Variants in LRPAP1 observed in about 807,000 individuals in gnomAD.
LRPAP1 encodes the protein alpha-2-macroglobulin receptor-associated protein.
A neutral mutation model predicts 39.9 loss-of-function variants in LRPAP1; 41 were observed. The observed-to-expected ratio is 1.03, with a 90% confidence interval of 0.80 to 1.33. LRPAP1 has a LOEUF of 1.33. Among genes scored for constraint, LRPAP1 ranks in the 40% most tolerant of loss-of-function variants. The pLI, the probability that LRPAP1 is intolerant of heterozygous loss-of-function variation, is 0.00. For missense variants in LRPAP1, 565 were observed against 482.3 expected, an observed-to-expected ratio of 1.17 and a Z score of -1.61; for synonymous variants, 263 against 212.7, an observed-to-expected ratio of 1.24 and a Z score of -2.06.
At chr4:3,525,667 T>C (rs1730059451) in intron 1 of LRPAP1, among the ~76,000 whole-genome samples, 1 of 152,166 alleles carries the variant, frequency 6.6e-6, no homozygotes, top group Non-Finnish European at 1.5e-5. Flanking sequence ...GCTGCCGCAC[T>C]GGGGCTGAGG....
chr4:3,527,713 C>A (rs1405626033), intron 1 of LRPAP1, among the ~76,000 whole-genome samples: 1 of 152,160 alleles, frequency 6.6e-6, no homozygotes, highest in Non-Finnish European at 1.5e-5. Flanking sequence ...TGCAGGTGTC[C>A]CATGACTGCC....
intron 2 of LRPAP1, among the ~76,000 whole-genome samples, chr4:3,523,201 G>A (rs1410531774): frequency 6.6e-6 from 1 of 152,152 alleles, no homozygotes; most frequent in Non-Finnish European, 1.5e-5. Flanking sequence ...CCCCCTGCAA[G>A]CTACTCTGTC....
chr4:3,531,807 C>G (rs1730263181), intron 1 of LRPAP1, among the ~76,000 whole-genome samples: 1 of 152,260 alleles, frequency 6.6e-6, no homozygotes, highest in South Asian at 2.1e-4. Flanking sequence ...ACACGTCTTT[C>G]TACCCAACAT....
chr4:3,525,561 C>T (rs1230169822), intron 1 of LRPAP1, among the ~76,000 whole-genome samples: 3 of 152,176 alleles, frequency 2.0e-5, no homozygotes, highest in Non-Finnish European at 2.9e-5. Flanking sequence ...CTTGCTGAGA[C>T]GGTTCTTACA....
Position 3,504,687 on chromosome 4 carries a change from T to C in LRPAP1, c.*8287A>G, listed in dbSNP as rs1388293643. ...ATTTCTTGAACCCAGGAGGTGGAGG[T>C]TGCAGTGAGCCAAGATTGCGCCATT... is the stretch of plus-strand genomic sequence containing the variant. On this transcript the variant is annotated 3_prime_UTR_variant, in exon 8 of 8. Transcript: ENST00000650182. 6.9e-6 allele frequency among the ~76,000 whole-genome samples: 1 copy of C among 144,932 alleles called. No individual in the cohort carries two copies. Among genetic ancestry groups the C allele is most frequent in the Non-Finnish European group, 1.5e-5 (1 of 67,112 alleles).
At position 3,505,524 on chromosome 4, in the gene LRPAP1, C is replaced by T. The variant is rs1729325898; in HGVS notation, c.*7450G>A. ...CAGGGGCCTCCTGCGGCCGGAACGT[C>T]CCCTGCATCCCCAACCACACCTGGC... On this transcript the variant is annotated 3_prime_UTR_variant, in exon 8 of 8. Coordinates refer to ENST00000650182, the MANE Select transcript of LRPAP1 (RefSeq NM_002337.4). Among the ~76,000 whole-genome samples the T allele has an allele frequency of 6.6e-6, 1 of 152,202 alleles. No homozygotes were observed. The highest frequency in any genetic ancestry group is 1.5e-5 in the Non-Finnish European group (1 of 68,016).
rs532024642 is a variant in LRPAP1 at position 3,505,481 on chromosome 4, G to A, written c.*7493C>T. ...CCGAGCGGCACTTCTTCCACACCGC[G>A]CAGCTGCCTGTGCCTGGCAGGGGCC... On this transcript the variant is annotated 3_prime_UTR_variant, in exon 8 of 8. Coordinates refer to ENST00000650182, the MANE Select transcript of LRPAP1 (RefSeq NM_002337.4). Among the ~76,000 whole-genome samples, 29 of 152,312 alleles carry A rather than the reference G, an allele frequency of 1.9e-4. No homozygotes were observed. The highest frequency in any genetic ancestry group is 5.8e-4 in the African/African-American group (24 of 41,576).
intron 1 of LRPAP1, among the ~76,000 whole-genome samples, chr4:3,531,253 C>G (rs1262160310): frequency 5.3e-5 from 8 of 152,176 alleles, no homozygotes; most frequent in Non-Finnish European, 8.8e-5. Flanking sequence ...CCCACGCAGT[C>G]TTATAACCGT....
At chr4:3,513,401 A>C (rs1729594622) in intron 7 of LRPAP1, among the ~76,000 whole-genome samples, 1 of 152,120 alleles carries the variant, frequency 6.6e-6, no homozygotes, top group Non-Finnish European at 1.5e-5. Flanking sequence ...TCTGCCTCCC[A>C]GGCTCAAGTG....
intron 6 of LRPAP1, 140 bp from the exon 7 acceptor site, chr4:3,515,068 G>T (rs762279936): frequency 9.8e-6 from 9 of 916,426 alleles, no homozygotes; most frequent in South Asian, 9.5e-5. Context: ...TGGGCAATGA[G>T]GGGGCGGCAG....
intron 1 of LRPAP1, chr4:3,531,957 C>A: frequency 1.8e-6 from 1 of 560,090 alleles, no homozygotes; most frequent in Non-Finnish European, 3.1e-6. Flanking sequence ...GAGGGCGACA[C>A]TGACCCTCGG....
intron 3 of LRPAP1, 62 bp from the exon 4 acceptor site, chr4:3,519,053 T>G: frequency 1.9e-6 from 3 of 1,585,404 alleles, no homozygotes; most frequent in Non-Finnish European, 2.6e-6. Flanking sequence ...GGGCCGCTCT[T>G]CAGCCAACCA....
At chr4:3,514,669 A>C in intron 7 of LRPAP1, 83 bp downstream of exon 7, 1 of 1,488,112 alleles carries the variant, frequency 6.7e-7, no homozygotes, top group South Asian at 1.3e-5. Flanking sequence ...CCCCATCTAC[A>C]GGAAGCCCTG....
rs1393909125 is a variant in LRPAP1 at position 3,506,329 on chromosome 4, G to C, written c.*6645C>G. The C allele has an allele frequency of 1.3e-5, 2 of 150,566 alleles. No homozygotes were observed. The highest frequency in any genetic ancestry group is 1.3e-4 in the Admixed American group (2 of 15,110). 9.3% of individuals were successfully genotyped at this position (150,566 alleles called of 1,614,324 possible). A position where few individuals can be genotyped will look rare whatever the true frequency, so the allele number is the denominator to read the frequency against. ...GATCTGCCCGCCTCAGCCTCCCAAA[G>C]TGCTGGGATTCCAGGCGGGAGCCAC... On this transcript the variant is annotated 3_prime_UTR_variant, in exon 8 of 8. Transcript: ENST00000650182.
rs1741547 is a variant in LRPAP1 at position 3,520,212 on chromosome 4, T to A, written c.350-19A>T. On this transcript the variant is annotated intron_variant, in intron 2 of 7. Coordinates refer to ENST00000650182, the MANE Select transcript of LRPAP1 (RefSeq NM_002337.4). ...AAGATGACTAGGAGAGAGGGGAGGT[T>A]CTATTTGATATGGTTTCCTGTGAAA... is the stretch of plus-strand genomic sequence containing the variant. 0.33 allele frequency: 537,082 copies of A among 1,608,014 alleles called. 94,063 individuals are homozygous for A. The highest frequency in any genetic ancestry group is 0.56 in the Admixed American group (33,225 of 59,472).
At position 3,514,800 on chromosome 4, in the gene LRPAP1, G is replaced by A. The variant is rs763814281; in HGVS notation, c.963C>T (p.Arg321=). 1.4e-5 allele frequency: 23 copies of A among 1,612,838 alleles called. No homozygotes were observed. The South Asian group carries it at 2.0e-4, about 14-fold the overall frequency. ...VGDGERVSRS[R]EKHALLEGRT... ...GCCCCTCCAGCAGGGCGTGCTTCTC[G>A]CGGCTGCGGCTCACACGCTCGCCGT... Residue 321 remains arginine (R), a synonymous_variant, in exon 7 of 8, where the codon CGC becomes CGT. Transcript: ENST00000650182.
intron 2 of LRPAP1, among the ~76,000 whole-genome samples, chr4:3,521,309 C>T (rs1303556024): frequency 2.0e-5 from 3 of 152,196 alleles, no homozygotes; most frequent in Non-Finnish European, 4.4e-5. Flanking sequence ...CCTCCCTTCG[C>T]CTCACACTTC....
At chr4:3,529,906 G>C (rs955357308) in intron 1 of LRPAP1, among the ~76,000 whole-genome samples, 6 of 152,212 alleles carry the variant, frequency 3.9e-5, no homozygotes, top group Non-Finnish European at 7.3e-5. Context: ...CCAAAGAAAG[G>C]ACAAGACCGT....
intron 2 of LRPAP1, among the ~76,000 whole-genome samples, chr4:3,521,891 T>C (rs1229659769): frequency 2.0e-5 from 3 of 152,176 alleles, no homozygotes; most frequent in Non-Finnish European, 2.9e-5. Flanking sequence ...ATCCCAGCAC[T>C]TTGGGAGGCC....
Sources: gnomAD v4.1 joint callset for allele counts (sites outside exome capture counted in the v4.1 genomes callset) on GRCh38, gnomAD v4.1.1 for gene constraint, MANE v1.5 for transcripts, NCBI Gene and HGNC (gene_info 2026-07-23, HGNC 2026-07-21) for gene names.